The following ERCC6 variants were observed in gnomAD, a reference collection of about 807,000 sequenced individuals.
ERCC6 encodes the protein ERCC excision repair 6, chromatin remodeling factor, also known as DNA excision repair protein ERCC-6.
ERCC6 carries 116 observed loss-of-function variants against 158.7 expected under a neutral mutation model. The observed-to-expected ratio is 0.73, with a 90% CI of 0.63 to 0.85. The LOEUF is 0.85. Ranked by LOEUF, ERCC6 falls within the 40% of genes least tolerant of loss-of-function variation. The probability of loss-of-function intolerance (pLI) is 0.00; values close to 1 mark genes in which losing one functional copy is unlikely to be tolerated. For synonymous variants in ERCC6, 678 were observed against 659.3 expected, an observed-to-expected ratio of 1.03 and a Z score of -0.43; for missense variants, 1,698 against 1,799.4, an observed-to-expected ratio of 0.94 and a Z score of 1.02.
chr10:49,460,816 G>A (rs1850568294), intron 19 of ERCC6, among the ~76,000 whole-genome samples: 1 of 151,844 alleles, frequency 6.6e-6, no homozygotes, highest in African/African-American at 2.4e-5. Context: ...AGCTACTCAG[G>A]AAGCAGAGAA....
intron 19 of ERCC6, 116 bp downstream of exon 19, chr10:49,461,236 C>G: frequency 3.6e-6 from 4 of 1,104,024 alleles, no homozygotes; most frequent in Non-Finnish European, 4.0e-6. Context: ...TAATCCCTCC[C>G]TGGGGATTTA....
intron 5 of ERCC6, among the ~76,000 whole-genome samples, chr10:49,523,040 T>C (rs1014753265): frequency 1.3e-5 from 2 of 152,072 alleles, no homozygotes; most frequent in Non-Finnish European, 2.9e-5. Flanking sequence ...CAGTTCTAAG[T>C]AACAAGAAAA....
At chr10:49,481,471 G>T (rs1046829161) in intron 10 of ERCC6, among the ~76,000 whole-genome samples, 1 of 152,024 alleles carries the variant, frequency 6.6e-6, no homozygotes, top group African/African-American at 2.4e-5. Flanking sequence ...AATCTTAAAG[G>T]TCTAAAATTC....
intron 3 of ERCC6, 145 bp downstream of exon 3, chr10:49,530,575 T>C (rs1837445951): frequency 3.0e-6 from 4 of 1,331,712 alleles, no homozygotes; most frequent in Admixed American, 2.4e-5. Flanking sequence ...AGATTAAACA[T>C]ACAAAAGAAA....
intron 18 of ERCC6, among the ~76,000 whole-genome samples, chr10:49,466,050 T>G (rs1850669052): frequency 6.6e-6 from 1 of 152,136 alleles, no homozygotes; most frequent in South Asian, 2.1e-4. Flanking sequence ...TAACATAGAG[T>G]CAACAAGGAT....
chr10:49,472,773 C>A (rs776827846), intron 15 of ERCC6, 136 bp downstream of exon 15: 15 of 1,069,430 alleles, frequency 1.4e-5, no homozygotes, highest in Non-Finnish European at 1.9e-5. Context: ...TCTTCTTTCA[C>A]GTTGAAGAAC....
intron 10 of ERCC6, among the ~76,000 whole-genome samples, chr10:49,481,131 G>C (rs972766213): frequency 6.6e-6 from 1 of 152,230 alleles, no homozygotes; most frequent in Non-Finnish European, 1.5e-5. Flanking sequence ...CAGGTGGTTA[G>C]AAAACAGTAA....
At position 49,524,643 on chromosome 10, in the gene ERCC6, T is replaced by C; in HGVS notation, c.787A>G (p.Ile263Val). Reference protein sequence around the residue: ...PQKQEKKPRKIMLNEASGFEK... With the variant: ...PQKQEKKPRKVMLNEASGFEK... ...AAGCCTGATGCTTCATTAAGCATGA[T>C]TTTTCTGGGCTTTTTCTCCTGTTTC... The change falls in exon 5 of 21, where the codon ATC becomes GTC. Residue 263 changes from isoleucine to valine, a missense_variant. Coordinates refer to ENST00000355832, the MANE Select transcript of ERCC6 (RefSeq NM_000124.4). The C allele has an allele frequency of 1.9e-6, 3 of 1,614,162 alleles. No individual in the cohort carries two copies. In the South Asian group the frequency reaches 3.3e-5, roughly 18 times the overall value.
chr10:49,476,856 G>A (rs989466853), intron 11 of ERCC6, among the ~76,000 whole-genome samples: 1 of 151,978 alleles, frequency 6.6e-6, no homozygotes, highest in African/African-American at 2.4e-5. Flanking sequence ...GTCCACCACC[G>A]CCAGTTACAT....
chr10:49,483,688 C>T (rs1176615483), intron 8 of ERCC6, among the ~76,000 whole-genome samples, 172 bp from the exon 9 acceptor site: 1 of 151,958 alleles, frequency 6.6e-6, no homozygotes, highest in Non-Finnish European at 1.5e-5. Flanking sequence ...GTAGTAAACG[C>T]TGACTAATAC....
At chr10:49,488,795 T>A (rs1052039042) in intron 8 of ERCC6, among the ~76,000 whole-genome samples, 6 of 152,128 alleles carry the variant, frequency 3.9e-5, no homozygotes, top group Non-Finnish European at 8.8e-5. Context: ...TTGCTTTTTT[T>A]CTTTTTGAGA....
chr10:49,462,964 G>A (rs1203223108), intron 18 of ERCC6, among the ~76,000 whole-genome samples: 1 of 152,172 alleles, frequency 6.6e-6, no homozygotes, highest in Non-Finnish European at 1.5e-5. Flanking sequence ...AATTCCTCTT[G>A]TATAAGCACA....
chr10:49,505,851 G>A (rs1272804150), intron 6 of ERCC6, 33 bp downstream of exon 6: 2 of 1,611,672 alleles, frequency 1.2e-6, no homozygotes, highest in South Asian at 1.1e-5. Context: ...TGGCTTGATA[G>A]CAAATAGAAA....
intron 18 of ERCC6, among the ~76,000 whole-genome samples, chr10:49,462,757 A>T (rs1850605369): frequency 6.6e-6 from 1 of 152,218 alleles, no homozygotes; most frequent in African/African-American, 2.4e-5. Flanking sequence ...AATAACTGGA[A>T]ATTAAAACTT....
At chr10:49,534,268 C>T (rs887093505) in intron 1 of ERCC6, among the ~76,000 whole-genome samples, 3 of 151,424 alleles carry the variant, frequency 2.0e-5, no homozygotes, top group African/African-American at 7.3e-5. Context: ...TCCCCCCTCA[C>T]ATAGTGCTGC....
intron 5 of ERCC6, among the ~76,000 whole-genome samples, chr10:49,520,130 A>G (rs953718181): frequency 4.6e-5 from 7 of 152,222 alleles, no homozygotes; most frequent in African/African-American, 7.2e-5. Flanking sequence ...TGCAGCCCCA[A>G]AAAAGAGAAA....
In ERCC6 at chr10:49,526,159, A is replaced by C. The variant is rs909705947; in HGVS notation, c.653-1382T>G. On this transcript the variant is annotated intron_variant, in intron 4 of 20. Coordinates refer to ENST00000355832, the MANE Select transcript of ERCC6 (RefSeq NM_000124.4). The stretch of plus-strand genomic sequence containing the variant: ...TATATATATATATATATATATATAT[A>C]TATCTGGGTATGCTAAGCTTTAGTA... Among the ~76,000 whole-genome samples, 20 of 123,774 alleles carry C rather than the reference A, an allele frequency of 1.6e-4. No individual in the cohort carries two copies. The South Asian group carries it at 2.1e-3, about 13-fold the overall frequency. The allele number at this position is 123,774 out of a possible 152,430, so 81.2% of individuals were successfully genotyped here.
At chr10:49,488,519 A>G (rs892503691) in intron 8 of ERCC6, 4 of 152,220 alleles carry the variant, frequency 2.6e-5, no homozygotes, top group Non-Finnish European at 5.9e-5. Context: ...CATGTCTTCT[A>G]TAAGGTGTAT....
rs4253179 is a variant in ERCC6, at chr10:49,480,197, C to T, written c.2170-1727G>A. Among the ~76,000 whole-genome samples, 835 of 152,330 alleles carry T rather than the reference C, an allele frequency of 5.5e-3. 4 individuals are homozygous for T. The highest frequency in any genetic ancestry group is 0.031 in the Middle Eastern group (9 of 294). On this transcript the variant is annotated intron_variant, in intron 10 of 20. Transcript: ENST00000355832. ...CCCATCACCTTCCTCACCTTTCAGGCCCCAGGTGAGTCATCCCTTCTCCGA... is the reference window on the plus strand; with the variant it reads ...CCCATCACCTTCCTCACCTTTCAGGTCCCAGGTGAGTCATCCCTTCTCCGA...
Sources: gnomAD v4.1 joint callset for allele counts (sites outside exome capture counted in the v4.1 genomes callset) on GRCh38, gnomAD v4.1.1 for gene constraint, MANE v1.5 for transcripts, NCBI Gene and HGNC (gene_info 2026-07-23, HGNC 2026-07-21) for gene names.